The following HEXA variants were observed in gnomAD, a reference collection of about 807,000 sequenced individuals.
HEXA encodes the protein beta-hexosaminidase subunit alpha.
In HEXA, 54 loss-of-function variants were observed where a neutral mutation model predicts 73.3. The observed-to-expected ratio is 0.74, with a 90% CI of 0.59 to 0.92. The LOEUF (loss-of-function observed/expected upper bound fraction) is 0.92, where lower values mean the gene tolerates loss of function less well. Ranked by LOEUF, HEXA falls within the 40% of genes least tolerant of loss-of-function variation. The probability of loss-of-function intolerance (pLI) is 0.00; values close to 1 mark genes in which losing one functional copy is unlikely to be tolerated. For synonymous variants in HEXA, 230 were observed against 246.9 expected, an observed-to-expected ratio of 0.93 and a Z score of 0.64; for missense variants, 649 against 653.0, an observed-to-expected ratio of 0.99 and a Z score of 0.07.
rs897885889 is a variant in HEXA at position 72,370,676 on chromosome 15, G to A, written c.253+5044C>T. On this transcript the variant is annotated intron_variant, in intron 1 of 13. Transcript: ENST00000268097. ...CACACCACTGCACTCCAGTCTGAAT[G>A]ACAGAGAAAGACCTGTTTCTTAAAA... is the stretch of plus-strand genomic sequence containing the variant. 2.1e-4 allele frequency: 65 copies of A among 302,930 alleles called. 1 individual carries two copies. Among genetic ancestry groups the A allele is most frequent in the Non-Finnish European group, 3.5e-4 (61 of 174,072 alleles). The allele number at this position is 302,930 out of a possible 1,614,324, so 18.8% of individuals were successfully genotyped here.
At chr15:72,345,374 CCTCT>C (rs113665670) in intron 13 of HEXA, 68 bp downstream of exon 13, 35 of 1,599,782 alleles carry the variant, frequency 2.2e-5, no homozygotes, top group Middle Eastern at 3.3e-4. Flanking sequence ...TTATTGTCTT[CCTCT>C]CTCTAAGGGG....
At position 72,346,620 on chromosome 15, in the gene HEXA, G is replaced by A. The variant is rs762494949; in HGVS notation, c.1237C>T (p.Arg413Trp). ...TACCAGGGGGCAGAGAGAAGGGCCC[G>A]GAAGCCGGCCTTGGTGACCAGTTCC... is the stretch of plus-strand genomic sequence containing the variant. ...ELELVTKAGF[R>W]ALLSAPWYLN... Residue 413 changes from arginine to tryptophan, a missense_variant, in exon 11 of 14, where the codon CGG becomes TGG. By Grantham distance (101) the Arg-to-Trp change is moderately radical. Transcript: ENST00000268097. The A allele has an allele frequency of 4.4e-5, 71 of 1,613,950 alleles. No individual in the cohort carries two copies. In the East Asian group the frequency reaches 9.6e-4, roughly 22 times the overall value.
intron 3 of HEXA, chr15:72,354,423 G>C (rs1345209702): frequency 1.3e-5 from 2 of 152,214 alleles, no homozygotes; most frequent in Admixed American, 1.3e-4. Flanking sequence ...TCAACAGCTG[G>C]GGCCCCTCTT....
chr15:72,346,591 C>A lies in HEXA; in HGVS notation c.1266G>T (p.Leu422=), dbSNP rs373023700. The part of the protein sequence containing the change: ...FRALLSAPWY[L]NRISYGPDWK... The stretch of plus-strand genomic sequence containing the variant: ...AGTCAGGGCCATAGGATATACGGTT[C>A]AGGTACCAGGGGGCAGAGAGAAGGG... Residue 422 remains leucine, a synonymous_variant, in exon 11 of 14, where the codon CTG becomes CTT. Coordinates refer to ENST00000268097, the MANE Select transcript of HEXA (RefSeq NM_000520.6). 3.1e-6 allele frequency: 5 copies of A among 1,613,954 alleles called. No homozygotes were observed. The African/African-American group carries it at 6.7e-5, about 22-fold the overall frequency.
At chr15:72,366,659 T>C (rs12439220) in intron 1 of HEXA, among the ~76,000 whole-genome samples, 132,756 of 151,950 alleles carry the variant, frequency 0.87, 60,780 homozygotes, top group East Asian at 1. Context: ...CCTCTCCACC[T>C]CAAGGCTGGC....
chr15:72,357,027 A>C, intron 1 of HEXA: 1 of 321,938 alleles, frequency 3.1e-6, no homozygotes, highest in Non-Finnish European at 6.1e-6. Context: ...TGGTCACTAT[A>C]TAGAAAACTT....
At chr15:72,346,404 C>T in intron 11 of HEXA, 79 bp from the exon 12 acceptor site, 1 of 1,475,906 alleles carries the variant, frequency 6.8e-7, no homozygotes, top group Non-Finnish European at 9.5e-7. Flanking sequence ...CCCAATGTGG[C>T]CCTCACCCCA....
At chr15:72,363,019 C>A (rs1398641355) in intron 1 of HEXA, among the ~76,000 whole-genome samples, 3 of 152,208 alleles carry the variant, frequency 2.0e-5, no homozygotes, top group Non-Finnish European at 4.4e-5. Context: ...TCCCATATCC[C>A]CTGGTACCCT....
At chr15:72,372,075 G>A (rs568119424) in intron 1 of HEXA, among the ~76,000 whole-genome samples, 19 of 152,236 alleles carry the variant, frequency 1.2e-4, no homozygotes, top group African/African-American at 2.6e-4. Context: ...ATGGCCAGGT[G>A]CAGTGGCTCA....
At chr15:72,356,284 T>A (rs76272447) in intron 2 of HEXA, among the ~76,000 whole-genome samples, 3 of 152,172 alleles carry the variant, frequency 2.0e-5, no homozygotes, top group African/African-American at 7.2e-5. Flanking sequence ...GTACACCAGG[T>A]AGAAGTCCTG....
chr15:72,353,097 G>T lies in HEXA; in HGVS notation c.541C>A (p.Leu181Met). 1 of 1,612,602 alleles carries T rather than the reference G, an allele frequency of 6.2e-7. No homozygotes were observed. The highest frequency in any genetic ancestry group is 8.5e-7 in the Non-Finnish European group (1 of 1,178,620). ...GTGTCCAGGATGCTAGAGAGTGGCA[G>T]GTAATGGCGAGATGTATCCAACAGC... The part of the protein sequence containing the change: ...GLLLDTSRHY[L>M]PLSSILDTLD... The change falls in exon 5 of 14, where the codon CTG (leucine) becomes ATG (methionine). Residue 181 changes from leucine to methionine, a missense_variant. Transcript: ENST00000268097.
intron 9 of HEXA, 33 bp downstream of exon 9, chr15:72,348,015 A>C: frequency 2.1e-6 from 3 of 1,451,186 alleles, no homozygotes; most frequent in African/African-American, 1.4e-5. Flanking sequence ...GAGGACCCCC[A>C]AGGGACCCCA....
Position 72,345,382 on chromosome 15 carries a change from T to C in HEXA, c.1526+64A>G, listed in dbSNP as rs149948017. The C allele has an allele frequency of 1.8e-4, 296 of 1,607,792 alleles. 3 individuals are homozygous for C. In the East Asian group the frequency reaches 4.8e-3, roughly 26 times the overall value. On this transcript the variant is annotated intron_variant, in intron 13 of 13. Transcript: ENST00000268097. ...TTGTTAATTATTGTCTTCCTCTCTCTAAGGGGTTCCCCAGCCCTGGATCTG... is the reference window on the plus strand; with the variant it reads ...TTGTTAATTATTGTCTTCCTCTCTCCAAGGGGTTCCCCAGCCCTGGATCTG...
chr15:72,360,133 C>T (rs2088835317), intron 1 of HEXA: 1 of 153,142 alleles, frequency 6.5e-6, no homozygotes, highest in African/African-American at 2.4e-5. Flanking sequence ...TCTGTCACAA[C>T]CAATGGGCAA....
intron 5 of HEXA, 74 bp downstream of exon 5, chr15:72,352,994 T>G (rs1338109890): frequency 1.1e-6 from 1 of 900,294 alleles, no homozygotes; most frequent in South Asian, 1.3e-5. Context: ...CTTTAAGAAT[T>G]TGGAACTTGG....
At chr15:72,355,251 C>T (rs995362506) in intron 3 of HEXA, 2 of 386,076 alleles carry the variant, frequency 5.2e-6, no homozygotes, top group South Asian at 2.3e-5. Flanking sequence ...CCTGGCTGGG[C>T]GCGGTGGCAC....
chr15:72,345,591 C>G (rs375239910), intron 12 of HEXA, 41 bp from the exon 13 acceptor site: 2 of 1,611,314 alleles, frequency 1.2e-6, no homozygotes, highest in African/African-American at 2.7e-5. Context: ...GCCCTGTATT[C>G]CCTGCAAAGG....
At position 72,375,951 on chromosome 15, in the gene HEXA, A is replaced by G. The variant is rs1045709925; in HGVS notation, c.22T>C (p.Phe8Leu). 1.9e-6 allele frequency: 3 copies of G among 1,613,832 alleles called. No individual in the cohort carries two copies. Among genetic ancestry groups the G allele is most frequent in the Non-Finnish European group, 2.5e-6 (3 of 1,179,962 alleles). MTSSRLW[F>L]SLLLAAAFAG... ...AACGCTGCCGCCAGCAGCAGCGAAAACCAAAGCCTGGAGCTTGTCATGGCC... is the reference window on the plus strand; with the variant it reads ...AACGCTGCCGCCAGCAGCAGCGAAAGCCAAAGCCTGGAGCTTGTCATGGCC... Residue 8 changes from phenylalanine (F) to leucine (L), a missense_variant, in exon 1 of 14, where the codon TTT becomes CTT. Coordinates refer to ENST00000268097, the MANE Select transcript of HEXA (RefSeq NM_000520.6).
Position 72,347,880 on chromosome 15 carries a change from T to C in HEXA, c.1074-122A>G, listed in dbSNP as rs2088638772. ...CCTATTCCTCATTAAGCAGTGTCTTTCCCCTGGGCTGAAAACCAACCACTC... is the reference window on the plus strand; with the variant it reads ...CCTATTCCTCATTAAGCAGTGTCTTCCCCCTGGGCTGAAAACCAACCACTC... On this transcript the variant is annotated intron_variant, in intron 9 of 13. Coordinates refer to ENST00000268097, the MANE Select transcript of HEXA (RefSeq NM_000520.6). 1.4e-5 allele frequency: 15 copies of C among 1,071,754 alleles called. No individual in the cohort carries two copies. In the South Asian group the frequency reaches 1.8e-4, roughly 13 times the overall value. The allele number at this position is 1,071,754 out of a possible 1,614,324, so 66.4% of individuals were successfully genotyped here.
Sources: allele counts gnomAD v4.1 joint callset (sites outside exome capture counted in the v4.1 genomes callset), GRCh38; gene constraint gnomAD v4.1.1; transcripts MANE v1.5; gene names NCBI Gene and HGNC (gene_info 2026-07-23, HGNC 2026-07-21).